The following LRP1B variants were observed in gnomAD, a reference collection of about 807,000 sequenced individuals.
The protein encoded by LRP1B is low-density lipoprotein receptor-related protein 1B.
LRP1B carries 217 observed loss-of-function variants against 556.6 expected under a neutral mutation model. The ratio of observed to expected loss-of-function variants is 0.39; its 90% CI spans 0.35 to 0.44. The LOEUF is 0.44. Ranked by LOEUF, LRP1B falls within the 20% of genes least tolerant of loss-of-function variation. The pLI is 1.00. For missense variants in LRP1B, 5,053 were observed against 5,620.8 expected (o/e 0.90, Z 3.23); for synonymous variants, 2,047 against 1,865.8 (o/e 1.10, Z -2.50).
At chr2:140,613,425 AT>A (rs1683150940) in intron 41 of LRP1B, among the ~76,000 whole-genome samples, 1 of 145,252 alleles carries the variant, frequency 6.9e-6, no homozygotes. Context: ...ATAAATATAT[AT>A]ATAATTATAT....
intron 41 of LRP1B, among the ~76,000 whole-genome samples, chr2:140,641,175 T>C (rs958850298): frequency 5.9e-5 from 9 of 152,196 alleles, no homozygotes; most frequent in Non-Finnish European, 1.3e-4. Flanking sequence ...GCAAAGCCTT[T>C]TGCAGACGGC....
Position 140,262,678 on chromosome 2 carries a change from C to T in LRP1B, c.13247+7564G>A, listed in dbSNP as rs146314935. Among the ~76,000 whole-genome samples the T allele has an allele frequency of 1.2e-3, 185 of 152,186 alleles. 1 individual carries two copies. Among genetic ancestry groups the T allele is most frequent in the Non-Finnish European group, 6.5e-4 (44 of 68,008 alleles). On this transcript the variant is annotated intron_variant, in intron 86 of 90. Coordinates refer to ENST00000389484, the MANE Select transcript of LRP1B (RefSeq NM_018557.3). ...AGAATAATAAATGTAAATATGCATT[C>T]GAAATCCAGAAAACAAGAGGAATAC...
At chr2:141,213,468 C>T (rs1341212159) in intron 6 of LRP1B, among the ~76,000 whole-genome samples, 1 of 152,168 alleles carries the variant, frequency 6.6e-6, no homozygotes, top group Non-Finnish European at 1.5e-5. Context: ...CACACCCCCA[C>T]AGGCACACTG....
At chr2:141,938,050 A>G (rs1344102159) in intron 1 of LRP1B, among the ~76,000 whole-genome samples, 1 of 151,932 alleles carries the variant, frequency 6.6e-6, no homozygotes, top group Non-Finnish European at 1.5e-5. Flanking sequence ...CCATTGGCCT[A>G]TGTGTCTTTT....
intron 1 of LRP1B, among the ~76,000 whole-genome samples, chr2:142,125,977 G>A (rs1707634783): frequency 6.6e-6 from 1 of 151,838 alleles, no homozygotes; most frequent in Non-Finnish European, 1.5e-5. Context: ...ATCTAAGGTA[G>A]ACATAGATAT....
chr2:140,433,747 C>T (rs1269236790), intron 66 of LRP1B, among the ~76,000 whole-genome samples: 2 of 151,824 alleles, frequency 1.3e-5, no homozygotes, highest in Non-Finnish European at 2.9e-5. Context: ...ACTATAAATA[C>T]TATTAATCGA....
chr2:141,408,282 A>C (rs1573911156), intron 3 of LRP1B, among the ~76,000 whole-genome samples: 1 of 151,794 alleles, frequency 6.6e-6, no homozygotes, highest in East Asian at 2.0e-4. Context: ...AGCTGGGGCT[A>C]CAGGTACCCG....
At chr2:140,261,340 C>T (rs886114691) in intron 86 of LRP1B, among the ~76,000 whole-genome samples, 1 of 151,678 alleles carries the variant, frequency 6.6e-6, no homozygotes, top group Admixed American at 6.6e-5. Flanking sequence ...CATTATTTTA[C>T]AGACAAGGGA....
Position 140,884,051 on chromosome 2 carries a change from C to T in LRP1B, c.3965-30G>A, listed in dbSNP as rs374921060. On this transcript the variant is annotated intron_variant, in intron 24 of 90. Transcript: ENST00000389484. ...AAAAGAAGGAAAACCAACATGTGCA[C>T]CCATTCAAGGATTGTGTTAAGCACA... The T allele has an allele frequency of 1.5e-4, 242 of 1,595,218 alleles. 2 individuals are homozygous for T. In the African/African-American group the frequency reaches 2.3e-3, roughly 15 times the overall value.
intron 3 of LRP1B, among the ~76,000 whole-genome samples, chr2:141,345,656 ATT>A (rs758109848): frequency 0.5 from 66,021 of 130,846 alleles, 16,274 homozygotes; most frequent in Non-Finnish European, 0.55. Context: ...TACCTGGCTA[ATT>A]TTTTTTTTTT....
intron 2 of LRP1B, among the ~76,000 whole-genome samples, chr2:141,582,805 A>C (rs1479730811): frequency 6.7e-6 from 1 of 148,796 alleles, no homozygotes; most frequent in Non-Finnish European, 1.5e-5. Flanking sequence ...AATACCTGAA[A>C]TCTTGATAAT....
chr2:141,362,133 A>G (rs922261671), intron 3 of LRP1B, among the ~76,000 whole-genome samples: 2 of 152,178 alleles, frequency 1.3e-5, no homozygotes, highest in Admixed American at 6.5e-5. Context: ...TTTAATATGC[A>G]TCTTCTCTGC....
At chr2:141,985,733 A>G (rs893596776) in intron 1 of LRP1B, among the ~76,000 whole-genome samples, 19 of 151,870 alleles carry the variant, frequency 1.3e-4, no homozygotes, top group Non-Finnish European at 2.7e-4. Flanking sequence ...AATTCATTAG[A>G]TGCTGCCAAT....
At chr2:141,220,631 A>G (rs1423221497) in intron 6 of LRP1B, among the ~76,000 whole-genome samples, 1 of 151,726 alleles carries the variant, frequency 6.6e-6, no homozygotes, top group Non-Finnish European at 1.5e-5. Context: ...GGAAAAAAAA[A>G]AAAAAAGAAA....
At chr2:142,125,579 C>CA (rs541361828) in intron 1 of LRP1B, among the ~76,000 whole-genome samples, 1 of 151,440 alleles carries the variant, frequency 6.6e-6, no homozygotes, top group South Asian at 2.1e-4. Context: ...TATTTTATCC[C>CA]AAAAAACTAA....
intron 66 of LRP1B, among the ~76,000 whole-genome samples, chr2:140,388,701 C>T (rs1683876020): frequency 6.6e-6 from 1 of 152,166 alleles, no homozygotes; most frequent in Admixed American, 6.5e-5. Context: ...GCACTTCAAA[C>T]CTCCCTTGAG....
At chr2:140,366,885 C>T (rs948511352) in intron 71 of LRP1B, among the ~76,000 whole-genome samples, 2 of 151,702 alleles carry the variant, frequency 1.3e-5, no homozygotes, top group African/African-American at 2.4e-5. Flanking sequence ...CATTTAAATG[C>T]TTCTGATAAT....
intron 20 of LRP1B, among the ~76,000 whole-genome samples, chr2:140,933,357 A>T (rs1485453176): frequency 6.6e-6 from 1 of 152,122 alleles, no homozygotes; most frequent in Non-Finnish European, 1.5e-5. Context: ...AAAAGCAGGG[A>T]CATGTCTCAT....
chr2:141,845,907 A>G (rs1486998128), intron 1 of LRP1B, among the ~76,000 whole-genome samples: 1 of 151,662 alleles, frequency 6.6e-6, no homozygotes, highest in Non-Finnish European at 1.5e-5. Flanking sequence ...TAAAAATGTC[A>G]CTGTATATGT....
Sources: gnomAD v4.1 joint callset for allele counts (sites outside exome capture counted in the v4.1 genomes callset) on GRCh38, gnomAD v4.1.1 for gene constraint, MANE v1.5 for transcripts, NCBI Gene and HGNC (gene_info 2026-07-23, HGNC 2026-07-21) for gene names.